DDAH1: variants seen among roughly 807,000 people sequenced by gnomAD.
The protein encoded by DDAH1 is dimethylarginine dimethylaminohydrolase 1, also known as N(G),N(G)-dimethylarginine dimethylaminohydrolase 1.
DDAH1 carries 19 observed loss-of-function variants against 28.8 expected under a neutral mutation model. The observed-to-expected ratio is 0.66, with a 90% confidence interval of 0.46 to 0.97. DDAH1 has a LOEUF of 0.97. Ranked by LOEUF, DDAH1 falls within the 50% of genes least tolerant of loss-of-function variation. DDAH1 has a pLI of 0.00. For synonymous variants in DDAH1, 153 were observed against 154.4 expected (o/e 0.99, Z 0.07); for missense variants, 326 against 375.9 (o/e 0.87, Z 1.10).
chr1:85,481,689 T>C lies in DDAH1; in HGVS notation c.-7+14477A>G, dbSNP rs558796878. 3.9e-5 allele frequency among the ~76,000 whole-genome samples: 6 copies of C among 152,328 alleles called. No individual in the cohort carries two copies. In the East Asian group the frequency reaches 1.2e-3, roughly 29 times the overall value. On this transcript the variant is annotated intron_variant, in intron 2 of 6. Transcript: ENST00000426972. ...ACTTTTCTTCCTAGAGGCAGTTACA[T>C]GGAAAACCAGGTTATTATCAGGTTA...
chr1:85,336,916 C>T (rs1557479504), intron 4 of DDAH1, among the ~76,000 whole-genome samples: 1 of 151,962 alleles, frequency 6.6e-6, no homozygotes, highest in Non-Finnish European at 1.5e-5. Flanking sequence ...GGTCAATATC[C>T]CTGATGAATA....
intron 5 of DDAH1, among the ~76,000 whole-genome samples, chr1:85,324,272 AAATAAT>A (rs71075831): frequency 0.25 from 36,200 of 142,132 alleles, 4,755 homozygotes; most frequent in Middle Eastern, 0.31. Context: ...CCTGTCTCAA[AAATAAT>A]AATAATAATA....
rs1372937015 is a variant in DDAH1 at position 85,324,948 on chromosome 1, C to T, written c.598-65G>A. 3 of 1,587,448 alleles carry T rather than the reference C, an allele frequency of 1.9e-6. No individual in the cohort carries two copies. In the African/African-American group the frequency reaches 4.0e-5, roughly 21 times the overall value. On this transcript the variant is annotated intron_variant, in intron 4 of 5. Coordinates refer to ENST00000284031, the MANE Select transcript of DDAH1 (RefSeq NM_012137.4). ...CCCACACTTTCAAACAGAAGGAAGG[C>T]AGTGTGGTAGGATACAAGCTTGGAA...
At chr1:85,406,995 T>C (rs1652435617) in intron 1 of DDAH1, among the ~76,000 whole-genome samples, 1 of 152,116 alleles carries the variant, frequency 6.6e-6, no homozygotes, top group Non-Finnish European at 1.5e-5. Flanking sequence ...AAAAACACAT[T>C]ATATTTCTTT....
At chr1:85,549,465 A>G (rs1349707411) in intron 1 of DDAH1, among the ~76,000 whole-genome samples, 1 of 152,214 alleles carries the variant, frequency 6.6e-6, no homozygotes, top group Non-Finnish European at 1.5e-5. Context: ...CTCAGGGACC[A>G]TACCACTCTT....
chr1:85,532,784 G>A (rs1658135092), intron 1 of DDAH1, among the ~76,000 whole-genome samples: 2 of 152,342 alleles, frequency 1.3e-5, no homozygotes, highest in African/African-American at 2.4e-5. Flanking sequence ...TTAACAAAGT[G>A]ATCATTTGCT....
chr1:85,379,707 A>T, intron 1 of DDAH1: 1 of 985,290 alleles, frequency 1.0e-6, no homozygotes, highest in Non-Finnish European at 1.2e-6. Flanking sequence ...CTCTGAACTG[A>T]ACTTATCTAT....
intron 1 of DDAH1, among the ~76,000 whole-genome samples, chr1:85,570,471 G>T (rs903191005): frequency 2.0e-5 from 3 of 151,812 alleles, no homozygotes; most frequent in Non-Finnish European, 4.4e-5. Context: ...CCAGGTTACA[G>T]CATAGTACTC....
intron 1 of DDAH1, among the ~76,000 whole-genome samples, chr1:85,521,065 C>T (rs1570637158): frequency 6.6e-6 from 1 of 152,156 alleles, no homozygotes; most frequent in African/African-American, 2.4e-5. Flanking sequence ...TTTAATAGAT[C>T]GACACAGACA....
intron 2 of DDAH1, among the ~76,000 whole-genome samples, chr1:85,491,999 C>A (rs1656422080): frequency 6.6e-6 from 1 of 152,168 alleles, no homozygotes; most frequent in Admixed American, 6.5e-5. Context: ...AGGTGCTGGT[C>A]TAACACTTAA....
At chr1:85,549,182 G>C (rs764583057) in intron 1 of DDAH1, among the ~76,000 whole-genome samples, 3 of 152,152 alleles carry the variant, frequency 2.0e-5, no homozygotes, top group Non-Finnish European at 4.4e-5. Flanking sequence ...TATTATCTAA[G>C]CACTGTACAG....
intron 2 of DDAH1, among the ~76,000 whole-genome samples, chr1:85,355,419 G>A (rs2100851501): frequency 6.6e-6 from 1 of 152,070 alleles, no homozygotes; most frequent in African/African-American, 2.4e-5. Context: ...TAAATTATAG[G>A]CCACAAAAAT....
At chr1:85,476,252 T>C (rs1287578401) in intron 2 of DDAH1, among the ~76,000 whole-genome samples, 2 of 152,256 alleles carry the variant, frequency 1.3e-5, no homozygotes, top group East Asian at 1.9e-4. Context: ...CTCATGCATT[T>C]ACTTTTCTTA....
intron 1 of DDAH1, among the ~76,000 whole-genome samples, chr1:85,513,618 T>C (rs1657330124): frequency 6.6e-6 from 1 of 152,114 alleles, no homozygotes; most frequent in African/African-American, 2.4e-5. Context: ...AAAGGGCTAA[T>C]ATCCAGAATC....
rs949507920 is a variant in DDAH1, at chr1:85,321,206, T to A, written c.*246A>T. On this transcript the variant is annotated 3_prime_UTR_variant, in exon 6 of 6. Coordinates refer to ENST00000284031, the MANE Select transcript of DDAH1 (RefSeq NM_012137.4). ...CTTACTGGGATTAATCACATTTTGA[T>A]AATTCATTAGCTCTGTATCTTCTAG... is the stretch of plus-strand genomic sequence containing the variant. 1.3e-5 allele frequency: 5 copies of A among 393,644 alleles called. No homozygotes were observed. Among genetic ancestry groups the A allele is most frequent in the Non-Finnish European group, 1.4e-5 (3 of 217,690 alleles). The allele number at this position is 393,644 out of a possible 1,614,324, so 24.4% of individuals were successfully genotyped here.
chr1:85,574,749 A>G (rs1387069707), intron 1 of DDAH1, among the ~76,000 whole-genome samples: 2 of 152,182 alleles, frequency 1.3e-5, no homozygotes, highest in African/African-American at 4.8e-5. Context: ...TTGTCCTCAA[A>G]TATATGGGTA....
upstream of DDAH1, chr1:85,465,320 G>A (rs1655329951): frequency 1.5e-6 from 1 of 650,182 alleles, no homozygotes. Flanking sequence ...GCCGGGCGAG[G>A]AGTGGGGCCA....
rs114023388 is a variant in DDAH1, at chr1:85,541,952, G to A, written c.-123+36032C>T. ...GGACTGTGAGAAATAAATGTATGTT[G>A]TTGATAGCACTCAGTCTATGATATT... is the stretch of plus-strand genomic sequence containing the variant. On this transcript the variant is annotated intron_variant, in intron 1 of 6. Coordinates refer to the DDAH1 transcript ENST00000426972. Among the ~76,000 whole-genome samples, 1,277 of 152,300 alleles carry A rather than the reference G, an allele frequency of 8.4e-3. 18 individuals are homozygous for A. The highest frequency in any genetic ancestry group is 0.029 in the African/African-American group (1,209 of 41,570).
intron 1 of DDAH1, among the ~76,000 whole-genome samples, chr1:85,365,410 T>C (rs960475767): frequency 3.0e-4 from 46 of 152,338 alleles, no homozygotes; most frequent in Non-Finnish European, 2.4e-4. Flanking sequence ...AGGCTACAAA[T>C]TGCAGCAGTC....
Sources: allele counts gnomAD v4.1 joint callset (sites outside exome capture counted in the v4.1 genomes callset), GRCh38; gene constraint gnomAD v4.1.1; transcripts MANE v1.5; gene names NCBI Gene and HGNC (gene_info 2026-07-23, HGNC 2026-07-21).